OGDH: variants seen among roughly 807,000 people sequenced by gnomAD.
OGDH encodes oxoglutarate dehydrogenase.
A neutral mutation model predicts 116.6 loss-of-function variants in OGDH; 38 were observed. That is an observed-to-expected ratio of 0.33 (90% confidence interval 0.25 to 0.43). The LOEUF (loss-of-function observed/expected upper bound fraction) is 0.43. OGDH is among the 20% of genes least tolerant of loss of function. The pLI is 1.00. For missense variants in OGDH, 825 were observed against 1,357.2 expected, an observed-to-expected ratio of 0.61 and a Z score of 6.16; for synonymous variants, 488 against 533.3, an observed-to-expected ratio of 0.92 and a Z score of 1.17.
intron 2 of OGDH, among the ~76,000 whole-genome samples, chr7:44,640,042 T>C (rs1168064492): frequency 6.6e-6 from 1 of 152,242 alleles, no homozygotes; most frequent in Non-Finnish European, 1.5e-5. Flanking sequence ...ATGATCGCCC[T>C]GTCTCCAGGG....
intron 2 of OGDH, among the ~76,000 whole-genome samples, chr7:44,633,265 A>C (rs184886945): frequency 0.015 from 2,318 of 151,226 alleles, 43 homozygotes; most frequent in Non-Finnish European, 0.024. Flanking sequence ...AAAAAAAAAA[A>C]AAAAAAAAAC....
At chr7:44,653,248 A>G (rs1021208924) in intron 4 of OGDH, among the ~76,000 whole-genome samples, 2 of 152,010 alleles carry the variant, frequency 1.3e-5, no homozygotes, top group African/African-American at 4.8e-5. Context: ...GTGCACCACC[A>G]TGCCCGGCTA....
At chr7:44,691,825 T>C (rs927350687) in intron 10 of OGDH, among the ~76,000 whole-genome samples, 2 of 141,434 alleles carry the variant, frequency 1.4e-5, no homozygotes, top group Non-Finnish European at 3.1e-5. Context: ...AAAAAAAAAA[T>C]ACAAAAAATT....
chr7:44,688,652 G>C (rs996327819), intron 10 of OGDH, among the ~76,000 whole-genome samples: 1 of 151,612 alleles, frequency 6.6e-6, no homozygotes, highest in Non-Finnish European at 1.5e-5. Context: ...GGATGGTCTC[G>C]ATCTCCTGAC....
At chr7:44,688,773 A>C (rs1477854847) in intron 10 of OGDH, among the ~76,000 whole-genome samples, 1 of 146,902 alleles carries the variant, frequency 6.8e-6, no homozygotes, top group African/African-American at 2.5e-5. Flanking sequence ...TGTGCCACCT[A>C]CTCTCCTCTC....
At position 44,626,301 on chromosome 7, in the gene OGDH, A is replaced by G. The variant is rs193102584; in HGVS notation, c.222+1736A>G. On this transcript the variant is annotated intron_variant, in intron 2 of 22. Coordinates refer to ENST00000222673, the MANE Select transcript of OGDH (RefSeq NM_002541.4). Reference sequence around the variant, plus strand: ...ATTGTGGCAGATTTCACACACACACACCCCTACACACACACACACACACAC... The same window carrying G: ...ATTGTGGCAGATTTCACACACACACGCCCCTACACACACACACACACACAC... Among the ~76,000 whole-genome samples the G allele has an allele frequency of 6.8e-4, 98 of 144,888 alleles. 1 individual carries two copies. The highest frequency in any genetic ancestry group is 4.2e-3 in the South Asian group (19 of 4,480).
At position 44,694,459 on chromosome 7, in the gene OGDH, T is replaced by C; in HGVS notation, c.1551T>C (p.Asp517=). 6.2e-7 allele frequency: 1 copy of C among 1,613,808 alleles called. No individual in the cohort carries two copies. Among genetic ancestry groups the C allele is most frequent in the Non-Finnish European group, 8.5e-7 (1 of 1,179,968 alleles). Residue 517 remains aspartate (D), a synonymous_variant, in exon 12 of 23, where the codon GAT becomes GAC. Coordinates refer to ENST00000222673, the MANE Select transcript of OGDH (RefSeq NM_002541.4). This position sits in a 1 kb window ranked among gnomAD's most constrained non-coding sequence, Gnocchi z 4.2. ...GGCGCAACGGCCACAACGAGATGGATGAGCCCATGTTCACGCAGCCGCTCA... is the reference window on the plus strand; with the variant it reads ...GGCGCAACGGCCACAACGAGATGGACGAGCCCATGTTCACGCAGCCGCTCA... The part of the protein sequence containing the change: ...CYRRNGHNEM[D]EPMFTQPLMY...
chr7:44,613,438 G>A (rs1027796368), intron 1 of OGDH, among the ~76,000 whole-genome samples: 2 of 152,138 alleles, frequency 1.3e-5, no homozygotes, highest in South Asian at 2.1e-4. Flanking sequence ...TTGGCTCACC[G>A]CAAGCTCTGC....
At chr7:44,647,813 C>A in intron 4 of OGDH, 54 bp downstream of exon 4, 1 of 1,371,104 alleles carries the variant, frequency 7.3e-7, no homozygotes, top group Non-Finnish European at 1.0e-6. Flanking sequence ...CGCTGTGCCA[C>A]GACCTGTGGT....
At chr7:44,679,379 T>C (rs571071730) in intron 9 of OGDH, among the ~76,000 whole-genome samples, 1 of 152,330 alleles carries the variant, frequency 6.6e-6, no homozygotes, top group African/African-American at 2.4e-5. Context: ...AACCAGATCC[T>C]TACGTCCACA....
At chr7:44,687,195 T>G (rs1788170876) in intron 10 of OGDH, among the ~76,000 whole-genome samples, 1 of 150,058 alleles carries the variant, frequency 6.7e-6, no homozygotes, top group Non-Finnish European at 1.5e-5. Context: ...CCTCCGAGGT[T>G]CAAGCGATTC....
chr7:44,624,682 G>T, intron 2 of OGDH, 117 bp downstream of exon 2: 1 of 848,346 alleles, frequency 1.2e-6, no homozygotes, highest in Non-Finnish European at 2.0e-6. Context: ...CAGCTGGAGC[G>T]CCATACCAAC....
intron 2 of OGDH, among the ~76,000 whole-genome samples, chr7:44,644,310 A>G (rs1023484135): frequency 6.6e-6 from 1 of 152,256 alleles, no homozygotes; most frequent in Non-Finnish European, 1.5e-5. Context: ...AAAAACTTGC[A>G]TCTTTGTATG....
At position 44,700,242 on chromosome 7, in the gene OGDH, C is replaced by T. The variant is rs762945671; in HGVS notation, c.2532C>T (p.Arg844=). Residue 844 remains arginine (R), a synonymous_variant, in exon 19 of 23, where the codon CGC becomes CGT. Coordinates refer to ENST00000222673, the MANE Select transcript of OGDH (RefSeq NM_002541.4). ...GCAACTTCTTCCACGTGCTACGACG[C>T]CAGATCCTGCTGCCATTCCGGAAGC... ...TPGNFFHVLR[R]QILLPFRKPL... is the part of the protein sequence containing the mutation. 6.2e-7 allele frequency: 1 copy of T among 1,614,224 alleles called. No homozygotes were observed. Among genetic ancestry groups the T allele is most frequent in the South Asian group, 1.1e-5 (1 of 91,086 alleles).
chr7:44,670,264 G>A (rs1357554623), intron 5 of OGDH, among the ~76,000 whole-genome samples: 1 of 152,140 alleles, frequency 6.6e-6, no homozygotes, highest in Admixed American at 6.5e-5. Flanking sequence ...GAGAGGAAAG[G>A]CATGGGCAGA....
At chr7:44,688,806 G>A (rs913097863) in intron 10 of OGDH, among the ~76,000 whole-genome samples, 1 of 152,038 alleles carries the variant, frequency 6.6e-6, no homozygotes, top group Non-Finnish European at 1.5e-5. Flanking sequence ...TGGAGTGCAA[G>A]TGGCATAATC....
intron 2 of OGDH, among the ~76,000 whole-genome samples, chr7:44,628,372 TTTTA>T (rs1355371522): frequency 6.6e-6 from 1 of 152,138 alleles, no homozygotes; most frequent in East Asian, 1.9e-4. Context: ...GTTTTTTAAT[TTTTA>T]TTTTACTTTT....
intron 4 of OGDH, among the ~76,000 whole-genome samples, chr7:44,665,393 CAAAAA>C (rs112693883): frequency 6.8e-6 from 1 of 146,224 alleles, no homozygotes; most frequent in Non-Finnish European, 1.5e-5. Context: ...ACAAAACAAA[CAAAAA>C]AAACCTCTCC....
chr7:44,641,474 C>T (rs920255632), intron 2 of OGDH, among the ~76,000 whole-genome samples: 1 of 152,094 alleles, frequency 6.6e-6, no homozygotes, highest in Non-Finnish European at 1.5e-5. Context: ...GACCCACCCA[C>T]CTTGGCCTCC....
Sources: allele counts gnomAD v4.1 joint callset (sites outside exome capture counted in the v4.1 genomes callset), GRCh38; gene constraint gnomAD v4.1.1; non-coding constraint Gnocchi (gnomAD v3.1); transcripts MANE v1.5; gene names NCBI Gene and HGNC (gene_info 2026-07-23, HGNC 2026-07-21).